TM9SF2: variants seen among roughly 807,000 people sequenced by gnomAD.
TM9SF2 encodes 76 kDa membrane protein.
In TM9SF2, 13 loss-of-function variants were observed where a neutral mutation model predicts 84.9. That is an observed-to-expected ratio of 0.15 (90% confidence interval 0.10 to 0.24). The LOEUF is 0.24. Among genes scored for constraint, TM9SF2 ranks in the 10% least tolerant of loss-of-function variants. The probability of loss-of-function intolerance (pLI) is 1.00; values close to 1 mark genes in which losing one functional copy is unlikely to be tolerated. For missense variants in TM9SF2, 562 were observed against 818.5 expected, an observed-to-expected ratio of 0.69 and a Z score of 3.82; for synonymous variants, 273 against 285.8, an observed-to-expected ratio of 0.96 and a Z score of 0.45.
intron 3 of TM9SF2, among the ~76,000 whole-genome samples, chr13:99,529,182 A>AT (rs942373213): frequency 9.3e-4 from 141 of 151,792 alleles, no homozygotes; most frequent in African/African-American, 3.1e-3. Context: ...TCTACATGGG[A>AT]TTTTTTTTTC....
intron 9 of TM9SF2, among the ~76,000 whole-genome samples, chr13:99,542,667 C>T (rs983314599): frequency 6.6e-6 from 1 of 151,964 alleles, no homozygotes; most frequent in South Asian, 2.1e-4. Flanking sequence ...AAGCTTTTAA[C>T]GTTTGTACTC....
chr13:99,554,481 T>C (rs2046318272), intron 14 of TM9SF2, 26 bp downstream of exon 14: 24 of 1,607,616 alleles, frequency 1.5e-5, no homozygotes, highest in Non-Finnish European at 2.0e-5. Flanking sequence ...AGTCCTCTCA[T>C]TCTCATTACC....
chr13:99,544,407 C>T (rs1011857843), intron 10 of TM9SF2, among the ~76,000 whole-genome samples: 1 of 151,838 alleles, frequency 6.6e-6, no homozygotes, highest in Non-Finnish European at 1.5e-5. Context: ...TATTTCTGAG[C>T]ATCCTTTAGG....
At chr13:99,561,637 T>G (rs1025066728) in intron 16 of TM9SF2, among the ~76,000 whole-genome samples, 23 of 152,364 alleles carry the variant, frequency 1.5e-4, no homozygotes, top group African/African-American at 5.5e-4. Context: ...TAATGATGTT[T>G]GTAATTTCCC....
intron 1 of TM9SF2, among the ~76,000 whole-genome samples, chr13:99,507,371 A>C (rs899789943): frequency 2.0e-5 from 3 of 152,074 alleles, no homozygotes; most frequent in African/African-American, 7.2e-5. Flanking sequence ...TTTTCATTTT[A>C]TTTTATTTTT....
rs1257584631 is a variant in TM9SF2, at chr13:99,505,360, C to CCAGG, written c.171+3585_171+3588dup. Among the ~76,000 whole-genome samples the CCAGG allele has an allele frequency of 2.6e-5, 4 of 152,254 alleles. No individual in the cohort carries two copies. In the East Asian group the frequency reaches 7.7e-4, roughly 29 times the overall value. On this transcript the variant is annotated intron_variant, in intron 1 of 16. Coordinates refer to ENST00000376387, the MANE Select transcript of TM9SF2 (RefSeq NM_004800.3). ...TAGAGATGGGGTTTCACCACGTTGG[C>CCAGG]CAGGCTTGTCTCGAACTCCTGAGCT...
rs1239301705 is a variant in TM9SF2 at position 99,559,518 on chromosome 13, C to A, written c.1908C>A (p.Ile636=). Residue 636 remains isoleucine (I), a synonymous_variant, in exon 16 of 17, where the codon ATC becomes ATA. Coordinates refer to ENST00000376387, the MANE Select transcript of TM9SF2 (RefSeq NM_004800.3). Reference sequence around the variant, plus strand: ...GTTATACCATGATAATGGTTTTGATCTTCTTTCTTTTTACAGGTAAAATTA... The same window carrying A: ...GTTATACCATGATAATGGTTTTGATATTCTTTCTTTTTACAGGTAAAATTA... ...YFGYTMIMVL[I]FFLFTGTIGF... is the part of the protein sequence containing the mutation. 1.9e-6 allele frequency: 3 copies of A among 1,595,270 alleles called. No homozygotes were observed. The highest frequency in any genetic ancestry group is 2.6e-6 in the Non-Finnish European group (3 of 1,175,244).
intron 14 of TM9SF2, 47 bp downstream of exon 14, chr13:99,554,502 A>G (rs1218934552): frequency 1.9e-6 from 3 of 1,574,032 alleles, no homozygotes; most frequent in South Asian, 1.2e-5. Flanking sequence ...ATTATATGTA[A>G]TATTTCCTTT....
At position 99,542,240 on chromosome 13, in the gene TM9SF2, C is replaced by T. The variant is rs547982610; in HGVS notation, c.1017+573C>T. 8.6e-5 allele frequency among the ~76,000 whole-genome samples: 13 copies of T among 151,906 alleles called. No homozygotes were observed. In the East Asian group the frequency reaches 1.3e-3, roughly 16 times the overall value. On this transcript the variant is annotated intron_variant, in intron 9 of 16. Transcript: ENST00000376387. ...CCTGTGTGGGAATGGACTGGTGCAG[C>T]GTGGGGTGTAGGTGCACAGTTACAA...
At chr13:99,555,686 C>T in intron 15 of TM9SF2, 39 bp downstream of exon 15, 1 of 1,422,216 alleles carries the variant, frequency 7.0e-7, no homozygotes, top group Non-Finnish European at 9.7e-7. Flanking sequence ...AATTTGTAGA[C>T]AGTAACTTTG....
In TM9SF2 at chr13:99,540,695, A is replaced by AT. The variant is rs777680348; in HGVS notation, c.829-13dup. ...TGTCAGCAGATGTTTACTTAAAGAGATTTTTTAATCTCCTCTAGGAAGATG... is the reference window on the plus strand; with the variant it reads ...TGTCAGCAGATGTTTACTTAAAGAGATTTTTTTAATCTCCTCTAGGAAGATG... On this transcript the variant is annotated intron_variant, in intron 7 of 16. Coordinates refer to ENST00000376387, the MANE Select transcript of TM9SF2 (RefSeq NM_004800.3). 5.0e-6 allele frequency: 8 copies of AT among 1,603,544 alleles called. No individual in the cohort carries two copies. In the South Asian group the frequency reaches 7.8e-5, roughly 16 times the overall value.
chr13:99,536,078 G>C (rs909962733), intron 4 of TM9SF2, among the ~76,000 whole-genome samples: 2 of 151,978 alleles, frequency 1.3e-5, no homozygotes, highest in Non-Finnish European at 2.9e-5. Context: ...AATAACCTGA[G>C]TAATAAGAGG....
intron 16 of TM9SF2, among the ~76,000 whole-genome samples, chr13:99,561,831 G>A (rs369512546): frequency 1.7e-4 from 26 of 152,268 alleles, no homozygotes; most frequent in African/African-American, 5.5e-4. Context: ...CAGAAAAAAC[G>A]CATTTGATTT....
chr13:99,529,605 A>G lies in TM9SF2; in HGVS notation c.461+11A>G. The G allele has an allele frequency of 6.5e-7, 1 of 1,540,780 alleles. No individual in the cohort carries two copies. Among genetic ancestry groups the G allele is most frequent in the Non-Finnish European group, 8.7e-7 (1 of 1,151,496 alleles). ...TTATCAACATCACTGGTAAGGCATG[A>G]ATATTTTCGATTTTGGGGTTTATCC... On this transcript the variant is annotated intron_variant, in intron 4 of 16. Transcript: ENST00000376387.
At position 99,501,501 on chromosome 13, in the gene TM9SF2, C is replaced by T. The variant is rs925968291; in HGVS notation, c.-106C>T. 11 of 1,417,420 alleles carry T rather than the reference C, an allele frequency of 7.8e-6. No individual in the cohort carries two copies. The Admixed American group carries it at 9.2e-5, about 12-fold the overall frequency. The allele number at this position is 1,417,420 out of a possible 1,614,324, so 87.8% of individuals were successfully genotyped here. A position where few individuals can be genotyped will look rare whatever the true frequency, so the allele number is the denominator to read the frequency against. ...CAACCGGAACTAGCCTTCTGGGGGC[C>T]GGCTTCCTTTATCTCTGGCGGCCTT... On this transcript the variant is annotated 5_prime_UTR_variant, in exon 1 of 17. Coordinates refer to ENST00000376387, the MANE Select transcript of TM9SF2 (RefSeq NM_004800.3).
At chr13:99,515,375 A>G (rs74112258) in intron 1 of TM9SF2, among the ~76,000 whole-genome samples, 2,558 of 152,292 alleles carry the variant, frequency 0.017, 73 homozygotes, top group African/African-American at 0.058. Flanking sequence ...TGTCTTCACA[A>G]CGGTTGTATG....
chr13:99,528,116 A>T (rs1199952794), intron 3 of TM9SF2, among the ~76,000 whole-genome samples: 1 of 152,260 alleles, frequency 6.6e-6, no homozygotes, highest in Non-Finnish European at 1.5e-5. Context: ...CTTGGGAGCT[A>T]AGAATATTTA....
At chr13:99,557,859 G>C (rs1261261146) in intron 15 of TM9SF2, among the ~76,000 whole-genome samples, 1 of 151,500 alleles carries the variant, frequency 6.6e-6, no homozygotes, top group African/African-American at 2.4e-5. Context: ...GTGAGACCCT[G>C]TCTCCTACCC....
Position 99,541,659 on chromosome 13 carries a change from G to A in TM9SF2, c.1009G>A (p.Asp337Asn). ...HKDIARYNQM[D>N]STEDAQEEFG... ...AGATATTGCTAGATATAATCAGATG[G>A]ACTCTACGGTAAGTGGAAACATTTT... Residue 337 changes from aspartate (D) to asparagine (N), a missense_variant, in exon 9 of 17, where the codon GAC becomes AAC. Around this residue, in one of 4 missense-constraint regions of TM9SF2, gnomAD observed 219 missense variants for 338.1 expected, o/e 0.65. Coordinates refer to ENST00000376387, the MANE Select transcript of TM9SF2 (RefSeq NM_004800.3). The A allele has an allele frequency of 6.2e-7, 1 of 1,605,582 alleles. No individual in the cohort carries two copies. Among genetic ancestry groups the A allele is most frequent in the Non-Finnish European group, 8.5e-7 (1 of 1,173,848 alleles).
Sources: gnomAD v4.1 joint callset for allele counts (sites outside exome capture counted in the v4.1 genomes callset) on GRCh38, gnomAD v4.1.1 for gene constraint, gnomAD v4.1.1 regional missense constraint, MANE v1.5 for transcripts, NCBI Gene and HGNC (gene_info 2026-07-23, HGNC 2026-07-21) for gene names.